TMEM62: variants seen among roughly 807,000 people sequenced by gnomAD.
TMEM62 encodes transmembrane protein 62.
In TMEM62, 41 loss-of-function variants were observed where a neutral mutation model predicts 70.4. The observed-to-expected ratio is 0.58, with a 90% CI of 0.45 to 0.76. The LOEUF (loss-of-function observed/expected upper bound fraction) is 0.76. Among genes scored for constraint, TMEM62 ranks in the 30% least tolerant of loss-of-function variants. The pLI, the probability that TMEM62 is intolerant of heterozygous loss-of-function variation, is 0.00. For missense variants in TMEM62, 688 were observed against 788.5 expected, an observed-to-expected ratio of 0.87 and a Z score of 1.53; for synonymous variants, 268 against 291.0, an observed-to-expected ratio of 0.92 and a Z score of 0.80.
chr15:43,134,347 C>T lies in TMEM62; in HGVS notation c.271C>T (p.Pro91Ser). 6.2e-7 allele frequency: 1 copy of T among 1,613,924 alleles called. No individual in the cohort carries two copies. The highest frequency in any genetic ancestry group is 1.3e-5 in the African/African-American group (1 of 75,042). The part of the protein sequence containing the change: ...FCSETIDIIQ[P>S]ALVLATGDLT... Reference sequence around the variant, plus strand: ...TTCTGAAACTATTGACATCATTCAACCAGCTCTCGTCCTAGCAACAGGTAG... The same window carrying T: ...TTCTGAAACTATTGACATCATTCAATCAGCTCTCGTCCTAGCAACAGGTAG... Residue 91 changes from proline (P) to serine (S), a missense_variant, in exon 2 of 14, where the codon CCA (proline) becomes TCA (serine). Transcript: ENST00000260403.
chr15:43,182,453 C>CTTTTTTTTTTT (rs1216767686), intron 13 of TMEM62, among the ~76,000 whole-genome samples: 2 of 142,118 alleles, frequency 1.4e-5, no homozygotes, highest in African/African-American at 2.7e-5. Flanking sequence ...CTTTTCTTTT[C>CTTTTTTTTTTT]TTTTTTTTTT....
chr15:43,153,149 A>G (rs2037603111), intron 8 of TMEM62, among the ~76,000 whole-genome samples: 1 of 152,220 alleles, frequency 6.6e-6, no homozygotes, highest in South Asian at 2.1e-4. Context: ...AAAGAGTTCT[A>G]GAAGTGGGAT....
chr15:43,152,605 G>A (rs1414693708), intron 8 of TMEM62, among the ~76,000 whole-genome samples: 1 of 152,112 alleles, frequency 6.6e-6, no homozygotes, highest in African/African-American at 2.4e-5. Context: ...GCGTTGGCCA[G>A]GCTGGTCTCG....
intron 4 of TMEM62, among the ~76,000 whole-genome samples, chr15:43,142,319 C>G (rs28811106): frequency 6.6e-6 from 1 of 151,858 alleles, no homozygotes. Context: ...GCGCCTGCCA[C>G]CATGACCCGC....
At chr15:43,161,244 A>G (rs201437410) in intron 10 of TMEM62, among the ~76,000 whole-genome samples, 2 of 152,330 alleles carry the variant, frequency 1.3e-5, no homozygotes, top group East Asian at 3.9e-4. Context: ...GAAGAATAAA[A>G]TGCTTTTAAG....
chr15:43,142,489 A>C (rs1459622693), intron 4 of TMEM62, among the ~76,000 whole-genome samples: 1 of 151,574 alleles, frequency 6.6e-6, no homozygotes, highest in African/African-American at 2.4e-5. Flanking sequence ...AGGAAAAGTC[A>C]ATTGATGTAG....
In TMEM62 at chr15:43,185,000, A is replaced by G. The variant is rs1375832211; in HGVS notation, c.*414A>G. ...AAAGGTGCAATTTCAGGGGCAGGGA[A>G]CCTTTGAGGATCTGGGCCCGACCCT... On this transcript the variant is annotated 3_prime_UTR_variant, in exon 14 of 14. Transcript: ENST00000260403. 1 of 247,380 alleles carries G rather than the reference A, an allele frequency of 4.0e-6. No individual in the cohort carries two copies. Among genetic ancestry groups the G allele is most frequent in the Non-Finnish European group, 7.9e-6 (1 of 126,536 alleles). 15.3% of individuals were successfully genotyped at this position (247,380 alleles called of 1,614,324 possible).
At chr15:43,133,490 T>C, upstream of TMEM62, 1 of 262,450 alleles carries the variant, frequency 3.8e-6, no homozygotes, top group Admixed American at 5.5e-5. Flanking sequence ...CTGGTCCCGG[T>C]CTCCTTCCCC....
At chr15:43,151,694 C>A in intron 7 of TMEM62, 96 bp from the exon 8 acceptor site, 1 of 1,060,202 alleles carries the variant, frequency 9.4e-7, no homozygotes, top group Non-Finnish European at 1.4e-6. Flanking sequence ...GTAAAAAAGT[C>A]CTAGTTATGT....
At chr15:43,161,968 T>C (rs1296648208) in intron 10 of TMEM62, among the ~76,000 whole-genome samples, 1 of 151,980 alleles carries the variant, frequency 6.6e-6, no homozygotes, top group Non-Finnish European at 1.5e-5. Flanking sequence ...AGCTTGTATA[T>C]GTATTTTTTT....
intron 5 of TMEM62, among the ~76,000 whole-genome samples, chr15:43,147,333 C>T (rs1282435510): frequency 6.6e-6 from 1 of 152,146 alleles, no homozygotes; most frequent in Non-Finnish European, 1.5e-5. Context: ...AGTATTTTGA[C>T]AAGGCTAGGT....
chr15:43,138,249 G>A (rs572950428), intron 3 of TMEM62, among the ~76,000 whole-genome samples: 2 of 152,246 alleles, frequency 1.3e-5, no homozygotes, highest in East Asian at 1.9e-4. Flanking sequence ...GGGCCATGGT[G>A]GGAGTTCATG....
intron 11 of TMEM62, among the ~76,000 whole-genome samples, chr15:43,178,235 T>TA (rs1363098911): frequency 3.9e-5 from 6 of 152,140 alleles, no homozygotes; most frequent in Admixed American, 6.5e-5. Flanking sequence ...GATAAAATAG[T>TA]ATGGTGCTCT....
In TMEM62 at chr15:43,160,737, T is replaced by G. The variant is rs750800962; in HGVS notation, c.1239T>G (p.Asn413Lys). 6 of 1,613,096 alleles carry G rather than the reference T, an allele frequency of 3.7e-6. No individual in the cohort carries two copies. ...VHHIFSVQENNHLSFDPLASF... is the reference protein window; with the variant it reads ...VHHIFSVQENKHLSFDPLASF... ...ACATATTTTCTGTTCAAGAGAATAA[T>G]CATCTCAGTTTTGATCCCCTGGCAT... The change falls in exon 10 of 14, where the codon AAT (asparagine) becomes AAG (lysine). Residue 413 changes from asparagine to lysine, a missense_variant. Transcript: ENST00000260403.
chr15:43,149,228 C>T (rs2037067128), intron 7 of TMEM62, 77 bp downstream of exon 7: 3 of 1,434,652 alleles, frequency 2.1e-6, no homozygotes, highest in Non-Finnish European at 2.9e-6. Context: ...TTACTGATAT[C>T]ATGGGTGATC....
chr15:43,137,150 G>T (rs932907954), intron 3 of TMEM62, among the ~76,000 whole-genome samples: 1 of 152,196 alleles, frequency 6.6e-6, no homozygotes, highest in African/African-American at 2.4e-5. Flanking sequence ...GTAAGGAAAT[G>T]AACTCTTCTC....
At chr15:43,163,206 C>T (rs1188740614) in intron 10 of TMEM62, among the ~76,000 whole-genome samples, 2 of 151,684 alleles carry the variant, frequency 1.3e-5, no homozygotes, top group African/African-American at 4.8e-5. Context: ...AAAAGAAATA[C>T]ACTAAAATTT....
chr15:43,179,418 CAT>C (rs2041130319), intron 12 of TMEM62, among the ~76,000 whole-genome samples: 1 of 152,144 alleles, frequency 6.6e-6, no homozygotes, highest in African/African-American at 2.4e-5. Flanking sequence ...TATCATGTGG[CAT>C]ATGACAAACA....
chr15:43,147,248 G>A (rs780761204), intron 5 of TMEM62, among the ~76,000 whole-genome samples: 12 of 152,222 alleles, frequency 7.9e-5, no homozygotes, highest in Non-Finnish European at 1.5e-4. Context: ...ACAGGCATGA[G>A]CCACTGTGCC....
Sources: allele counts gnomAD v4.1 joint callset (sites outside exome capture counted in the v4.1 genomes callset), GRCh38; gene constraint gnomAD v4.1.1; transcripts MANE v1.5; gene names NCBI Gene and HGNC (gene_info 2026-07-23, HGNC 2026-07-21).